The following KIF13A variants were observed in gnomAD, a reference collection of about 807,000 sequenced individuals.
KIF13A encodes the protein kinesin-like protein KIF13A.
KIF13A carries 79 observed loss-of-function variants against 212.2 expected under a neutral mutation model. That is an observed-to-expected ratio of 0.37 (90% CI 0.31 to 0.45). The LOEUF (loss-of-function observed/expected upper bound fraction) is 0.45. Ranked by LOEUF, KIF13A falls within the 20% of genes least tolerant of loss-of-function variation. The pLI is 1.00. For missense variants in KIF13A, 1,901 were observed against 2,209.0 expected (o/e 0.86, Z 2.79); for synonymous variants, 789 against 808.6 (o/e 0.98, Z 0.41).
At chr6:17,774,517 T>TA (rs1414970178) in intron 35 of KIF13A, among the ~76,000 whole-genome samples, 2 of 152,202 alleles carry the variant, frequency 1.3e-5, no homozygotes, top group Non-Finnish European at 2.9e-5. Context: ...CTCATGCCTG[T>TA]AATCCAAACA....
At chr6:17,956,760 G>T (rs60394645) in intron 2 of KIF13A, among the ~76,000 whole-genome samples, 1,666 of 152,252 alleles carry the variant, frequency 0.011, 24 homozygotes, top group African/African-American at 0.038. Context: ...TCCAGAGAGG[G>T]TCCTGCTCTA....
Position 17,828,669 on chromosome 6 carries a change from C to T in KIF13A, c.1402-299G>A, listed in dbSNP as rs746996607. On this transcript the variant is annotated intron_variant, in intron 13 of 38. Transcript: ENST00000259711. The surrounding 1 kb of genome is among the most constrained non-coding windows in gnomAD (Gnocchi z 4.3). Reference sequence around the variant, plus strand: ...ACTTTGAGTTTCAATTGTGACTTGACCACGGGGAAGCCATTTCACTCTCTG... The same window carrying T: ...ACTTTGAGTTTCAATTGTGACTTGATCACGGGGAAGCCATTTCACTCTCTG... Among the ~76,000 whole-genome samples the T allele has an allele frequency of 2.0e-5, 3 of 152,100 alleles. No individual in the cohort carries two copies. The highest frequency in any genetic ancestry group is 4.4e-5 in the Non-Finnish European group (3 of 68,028).
rs1029365172 is a variant in KIF13A at position 17,828,937 on chromosome 6, A to G, written c.1402-567T>C. On this transcript the variant is annotated intron_variant, in intron 13 of 38. Transcript: ENST00000259711. This position sits in a 1 kb window ranked among gnomAD's most constrained non-coding sequence, Gnocchi z 4.3. ...AGTATTAATGCCTGTGGGTCATACC[A>G]TGTACAAACGTGTGATTTTTTTTTT... 1.3e-5 allele frequency among the ~76,000 whole-genome samples: 2 copies of G among 148,784 alleles called. No individual in the cohort carries two copies. The highest frequency in any genetic ancestry group is 3.0e-5 in the Non-Finnish European group (2 of 67,464).
chr6:17,955,212 C>T (rs1464344565), intron 2 of KIF13A, among the ~76,000 whole-genome samples: 1 of 152,196 alleles, frequency 6.6e-6, no homozygotes, highest in Non-Finnish European at 1.5e-5. Context: ...GATGTACAAA[C>T]GGACACTAGT....
chr6:17,958,778 A>C (rs867386220), intron 2 of KIF13A, among the ~76,000 whole-genome samples: 1 of 152,104 alleles, frequency 6.6e-6, no homozygotes, highest in Non-Finnish European at 1.5e-5. Flanking sequence ...ATTCATCCGA[A>C]TGCAAAACTG....
At chr6:17,924,023 A>T (rs1156436867) in intron 2 of KIF13A, among the ~76,000 whole-genome samples, 1 of 152,202 alleles carries the variant, frequency 6.6e-6, no homozygotes, top group African/African-American at 2.4e-5. Context: ...TTTTACTTTA[A>T]GATATGACTC....
chr6:17,906,398 T>A (rs1773498671), intron 2 of KIF13A, among the ~76,000 whole-genome samples: 1 of 144,462 alleles, frequency 6.9e-6, no homozygotes, highest in Non-Finnish European at 1.5e-5. Context: ...CTTCCTTTCT[T>A]CCCCCTTTCC....
chr6:17,865,442 T>A (rs952850735), intron 4 of KIF13A, among the ~76,000 whole-genome samples: 3 of 152,198 alleles, frequency 2.0e-5, no homozygotes, highest in Non-Finnish European at 4.4e-5. Flanking sequence ...GCGATTTTGA[T>A]GAGTCTGGAC....
At chr6:17,833,302 C>T (rs996626655) in intron 12 of KIF13A, among the ~76,000 whole-genome samples, 14 of 147,512 alleles carry the variant, frequency 9.5e-5, no homozygotes, top group South Asian at 2.2e-4. Context: ...GAGACCAGCC[C>T]GGGCAACAAA....
intron 4 of KIF13A, among the ~76,000 whole-genome samples, chr6:17,859,638 A>ATATATATATTTTTTTTTTTTTTTT (rs1461455926): frequency 8.9e-6 from 1 of 111,858 alleles, no homozygotes; most frequent in African/African-American, 3.5e-5. Context: ...ATATATATAT[A>ATATATATATTTTTTTTTTTTTTTT]TTTTTTTTTT....
At chr6:17,890,534 C>T (rs1771948044) in intron 3 of KIF13A, among the ~76,000 whole-genome samples, 1 of 152,048 alleles carries the variant, frequency 6.6e-6, no homozygotes, top group Non-Finnish European at 1.5e-5. Context: ...TGATTCTCCA[C>T]ACAAGTGTCG....
Position 17,816,288 on chromosome 6 carries a change from T to C in KIF13A, c.2000+732A>G, listed in dbSNP as rs1763944265. Among the ~76,000 whole-genome samples the C allele has an allele frequency of 6.6e-6, 1 of 151,964 alleles. No homozygotes were observed. Among genetic ancestry groups the C allele is most frequent in the Admixed American group, 6.6e-5 (1 of 15,254 alleles). ...GCATGATCGCAGCTCACTAAAGCCT[T>C]GATCTCTGGGGCTCAAGTGACCCTC... On this transcript the variant is annotated intron_variant, in intron 17 of 38. Transcript: ENST00000259711. The surrounding 1 kb of genome is among the most constrained non-coding windows in gnomAD (Gnocchi z 4.3).
Position 17,888,390 on chromosome 6 carries a change from G to A in KIF13A, c.159+9778C>T, listed in dbSNP as rs146577890. Among the ~76,000 whole-genome samples the A allele has an allele frequency of 2.6e-4, 39 of 152,256 alleles. No homozygotes were observed. The East Asian group carries it at 7.3e-3, about 29-fold the overall frequency. ...CAAGGTAGGTCTGCTGCATTTGACT[G>A]GGTAATGAAACAAGCAAAAGCCTTA... On this transcript the variant is annotated intron_variant, in intron 3 of 38. Coordinates refer to ENST00000259711, the MANE Select transcript of KIF13A (RefSeq NM_022113.6). The surrounding 1 kb of genome is among the most constrained non-coding windows in gnomAD (Gnocchi z 4.8).
In KIF13A at chr6:17,787,372, G is replaced by C. The variant is rs1761145555; in HGVS notation, c.3361+404C>G. On this transcript the variant is annotated intron_variant, in intron 27 of 38. Coordinates refer to ENST00000259711, the MANE Select transcript of KIF13A (RefSeq NM_022113.6). The surrounding 1 kb of genome is among the most constrained non-coding windows in gnomAD (Gnocchi z 4.6). Reference sequence around the variant, plus strand: ...GTTACAAGTTCACAAAACTAAACAGGCTGGGCGCAGTGGCTAACACCTGCA... The same window carrying C: ...GTTACAAGTTCACAAAACTAAACAGCCTGGGCGCAGTGGCTAACACCTGCA... Among the ~76,000 whole-genome samples, 1 of 152,116 alleles carries C rather than the reference G, an allele frequency of 6.6e-6. No homozygotes were observed. The highest frequency in any genetic ancestry group is 6.6e-5 in the Admixed American group (1 of 15,262).
In KIF13A at chr6:17,898,155, T is replaced by A. The variant is rs1267169630; in HGVS notation, c.159+13A>T. 6.2e-7 allele frequency: 1 copy of A among 1,612,662 alleles called. No individual in the cohort carries two copies. The highest frequency in any genetic ancestry group is 1.1e-5 in the South Asian group (1 of 90,852). The stretch of plus-strand genomic sequence containing the variant: ...AAGCCAGTATACATGCCAAATTTCA[T>A]ATTAGTGCTTACCTTGGGAGGTTTC... On this transcript the variant is annotated intron_variant, in intron 3 of 38. Coordinates refer to ENST00000259711, the MANE Select transcript of KIF13A (RefSeq NM_022113.6). The surrounding 1 kb of genome is among the most constrained non-coding windows in gnomAD (Gnocchi z 5.2).
intron 7 of KIF13A, among the ~76,000 whole-genome samples, chr6:17,851,397 C>T (rs1320114612): frequency 6.6e-6 from 1 of 152,160 alleles, no homozygotes; most frequent in Admixed American, 6.5e-5. Context: ...CATTCACATC[C>T]TTTAGCAACA....
chr6:17,838,020 T>C lies in KIF13A; in HGVS notation c.831-437A>G, dbSNP rs149916203. On this transcript the variant is annotated intron_variant, in intron 9 of 38. Transcript: ENST00000259711. The surrounding 1 kb of genome is among the most constrained non-coding windows in gnomAD (Gnocchi z 4.2). ...AAAAGAAAGTGCTTTGTAAATGGTT[T>C]AAAAAGTTAAATGCAGCTGGGAGTG... Among the ~76,000 whole-genome samples, 8 of 151,552 alleles carry C rather than the reference T, an allele frequency of 5.3e-5. No homozygotes were observed. In the East Asian group the frequency reaches 1.6e-3, roughly 30 times the overall value.
chr6:17,787,406 A>G lies in KIF13A; in HGVS notation c.3361+370T>C, dbSNP rs1315981575. Among the ~76,000 whole-genome samples the G allele has an allele frequency of 6.6e-6, 1 of 152,194 alleles. No individual in the cohort carries two copies. The highest frequency in any genetic ancestry group is 2.4e-5 in the African/African-American group (1 of 41,454). ...AGTGGCTAACACCTGCAATTCCAGC[A>G]GTTTGGGAGGCTGAAGTGGGAGGAT... On this transcript the variant is annotated intron_variant, in intron 27 of 38. Coordinates refer to ENST00000259711, the MANE Select transcript of KIF13A (RefSeq NM_022113.6). The surrounding 1 kb of genome is among the most constrained non-coding windows in gnomAD (Gnocchi z 4.6).
chr6:17,890,819 GTTA>G (rs1771991676), intron 3 of KIF13A, among the ~76,000 whole-genome samples: 1 of 74,220 alleles, frequency 1.3e-5, no homozygotes, highest in Admixed American at 1.1e-4. Flanking sequence ...TAATAATAAT[GTTA>G]TTATTACTAT....
Sources: gnomAD v4.1 joint callset for allele counts (sites outside exome capture counted in the v4.1 genomes callset) on GRCh38, gnomAD v4.1.1 for gene constraint, Gnocchi (gnomAD v3.1) non-coding constraint, MANE v1.5 for transcripts, NCBI Gene and HGNC (gene_info 2026-07-23, HGNC 2026-07-21) for gene names.